Variants in DIS3L2 observed in about 807,000 individuals in gnomAD.
DIS3L2 encodes the protein DIS3 like 3'-5' exoribonuclease 2.
In DIS3L2, 34 loss-of-function variants were observed where a neutral mutation model predicts 97.5. The ratio of observed to expected loss-of-function variants is 0.35; its 90% CI spans 0.27 to 0.46. The LOEUF (loss-of-function observed/expected upper bound fraction) is 0.46, where lower values mean the gene tolerates loss of function less well. Among genes scored for constraint, DIS3L2 ranks in the 20% least tolerant of loss-of-function variants. The probability of loss-of-function intolerance (pLI) is 1.00; values close to 1 mark genes in which losing one functional copy is unlikely to be tolerated. For missense variants in DIS3L2, 1,038 were observed against 1,146.0 expected, an observed-to-expected ratio of 0.91 and a Z score of 1.36; for synonymous variants, 435 against 445.2, an observed-to-expected ratio of 0.98 and a Z score of 0.29.
At chr2:232,181,247 T>A (rs1230544462) in intron 9 of DIS3L2, among the ~76,000 whole-genome samples, 1 of 151,728 alleles carries the variant, frequency 6.6e-6, no homozygotes, top group African/African-American at 2.4e-5. Context: ...CCTTAACATT[T>A]TTTCCTTCAT....
At chr2:232,107,541 A>G (rs1697387844) in intron 6 of DIS3L2, among the ~76,000 whole-genome samples, 1 of 152,142 alleles carries the variant, frequency 6.6e-6, no homozygotes, top group Admixed American at 6.5e-5. Context: ...TCTACTAAAA[A>G]TACAAAAATT....
chr2:232,087,756 A>G lies in DIS3L2; in HGVS notation c.601+35A>G, dbSNP rs775263166. 2.7e-6 allele frequency: 4 copies of G among 1,494,116 alleles called. No individual in the cohort carries two copies. In the South Asian group the frequency reaches 3.5e-5, roughly 13 times the overall value. The allele number at this position is 1,494,116 out of a possible 1,614,324, so 92.6% of individuals were successfully genotyped here. On this transcript the variant is annotated intron_variant, in intron 6 of 20. Transcript: ENST00000325385. ...AGACTATTGTCTTACTTTTTTTTTA[A>G]GTACACTGATTAAGTATTGGAATTC... is the stretch of plus-strand genomic sequence containing the variant.
intron 6 of DIS3L2, among the ~76,000 whole-genome samples, chr2:232,117,361 C>A (rs1014820870): frequency 6.6e-6 from 1 of 152,174 alleles, no homozygotes; most frequent in African/African-American, 2.4e-5. Flanking sequence ...ATGAAACCTT[C>A]ATAATAAATA....
downstream of DIS3L2, among the ~76,000 whole-genome samples, chr2:232,339,288 C>G (rs529512091): frequency 6.6e-6 from 1 of 152,306 alleles, no homozygotes; most frequent in Non-Finnish European, 1.5e-5. Context: ...GCTTGGGAAG[C>G]GGGCGCCAGA....
intron 8 of DIS3L2, among the ~76,000 whole-genome samples, chr2:232,153,990 C>T (rs1338259911): frequency 2.9e-4 from 42 of 144,618 alleles, no homozygotes; most frequent in African/African-American, 8.5e-4. Context: ...TCCAGTTGAT[C>T]GCATCGGCTC....
intron 10 of DIS3L2, among the ~76,000 whole-genome samples, chr2:232,235,547 G>A (rs1692909630): frequency 6.6e-6 from 1 of 152,126 alleles, no homozygotes; most frequent in Admixed American, 6.5e-5. Context: ...GTTTTGATTG[G>A]CCTTCTTCAT....
intron 1 of DIS3L2, among the ~76,000 whole-genome samples, chr2:231,981,613 T>TATATATATATATAC (rs1693262004): frequency 7.1e-6 from 1 of 140,916 alleles, no homozygotes; most frequent in South Asian, 2.2e-4. Flanking sequence ...TATATATATA[T>TATATATATATATAC]ATATATATAT....
At chr2:232,196,945 G>A (rs759677968) in intron 9 of DIS3L2, among the ~76,000 whole-genome samples, 10 of 152,022 alleles carry the variant, frequency 6.6e-5, no homozygotes, top group South Asian at 6.2e-4. Flanking sequence ...CCCTTCCCCA[G>A]TTAGCTCAGC....
At chr2:232,086,698 CAG>C (rs1247653521) in intron 5 of DIS3L2, among the ~76,000 whole-genome samples, 1 of 100,368 alleles carries the variant, frequency 1.0e-5, no homozygotes, top group African/African-American at 4.2e-5. Flanking sequence ...TTTTTTGAGA[CAG>C]AGTCTCGCTC....
At chr2:232,011,258 T>A (rs952142951) in intron 1 of DIS3L2, among the ~76,000 whole-genome samples, 8 of 152,192 alleles carry the variant, frequency 5.3e-5, no homozygotes, top group Non-Finnish European at 8.8e-5. Context: ...GTGCTTTCAA[T>A]GTGTCAGGGT....
chr2:232,060,318 G>A (rs1023268961), intron 5 of DIS3L2, among the ~76,000 whole-genome samples: 1 of 152,112 alleles, frequency 6.6e-6, no homozygotes, highest in African/African-American at 2.4e-5. Context: ...CCACTCCAAT[G>A]TCTTGGAGAG....
chr2:232,138,189 ATTT>A (rs367925744), intron 8 of DIS3L2, among the ~76,000 whole-genome samples: 2 of 151,944 alleles, frequency 1.3e-5, no homozygotes, highest in African/African-American at 4.8e-5. Flanking sequence ...GTATTTTTTA[ATTT>A]TTATTTTTTT....
intron 5 of DIS3L2, among the ~76,000 whole-genome samples, chr2:232,038,706 G>A (rs923121890): frequency 1.3e-5 from 2 of 152,198 alleles, no homozygotes; most frequent in African/African-American, 2.4e-5. Flanking sequence ...AGTCTAAGAC[G>A]ATGGGGTAGA....
At chr2:231,998,823 A>G (rs1292855969) in intron 1 of DIS3L2, among the ~76,000 whole-genome samples, 1 of 152,082 alleles carries the variant, frequency 6.6e-6, no homozygotes, top group Non-Finnish European at 1.5e-5. Context: ...TCTCCCTTTC[A>G]CTTATTTATT....
At chr2:232,202,474 G>T (rs1225414862) in intron 9 of DIS3L2, among the ~76,000 whole-genome samples, 2 of 152,180 alleles carry the variant, frequency 1.3e-5, no homozygotes, top group African/African-American at 4.8e-5. Context: ...TGAGTAAAGG[G>T]ATGTAACATG....
At chr2:232,244,815 G>A (rs897018527) in intron 11 of DIS3L2, among the ~76,000 whole-genome samples, 3 of 152,156 alleles carry the variant, frequency 2.0e-5, no homozygotes, top group African/African-American at 7.2e-5. Flanking sequence ...TCTGAGGGGC[G>A]TGGGGAAGGA....
rs187499584 is a variant in DIS3L2 at position 232,006,030 on chromosome 2, A to C, written c.-93-8805A>C. 6.2e-4 allele frequency among the ~76,000 whole-genome samples: 95 copies of C among 152,270 alleles called. No homozygotes were observed. The East Asian group carries it at 0.017, about 27-fold the overall frequency. On this transcript the variant is annotated intron_variant, in intron 1 of 20. Transcript: ENST00000325385. ...TGGCAAAACCCTGTCTCTACTAAAA[A>C]TACAAAAATTAGCCGGGCATGGTGG...
chr2:232,301,264 C>G (rs1318483641), intron 14 of DIS3L2, among the ~76,000 whole-genome samples: 1 of 152,176 alleles, frequency 6.6e-6, no homozygotes, highest in East Asian at 1.9e-4. Context: ...CATGTTTACT[C>G]TGGGGAGAGA....
At chr2:232,274,414 G>A (rs1034518284) in intron 13 of DIS3L2, among the ~76,000 whole-genome samples, 2 of 152,194 alleles carry the variant, frequency 1.3e-5, no homozygotes, top group African/African-American at 2.4e-5. Flanking sequence ...CATCAGAGAC[G>A]TGGAATTCTT....
Sources: allele counts gnomAD v4.1 joint callset (sites outside exome capture counted in the v4.1 genomes callset), GRCh38; gene constraint gnomAD v4.1.1; transcripts MANE v1.5; gene names NCBI Gene and HGNC (gene_info 2026-07-23, HGNC 2026-07-21).